The following MEGF11 variants were observed in gnomAD, a reference collection of about 807,000 sequenced individuals.
The protein encoded by MEGF11 is multiple epidermal growth factor-like domains protein 11.
In MEGF11, 126 loss-of-function variants were observed where a neutral mutation model predicts 146.6. That is an observed-to-expected ratio of 0.86 (90% confidence interval 0.74 to 1.00). The LOEUF (loss-of-function observed/expected upper bound fraction) is 1.00, where lower values mean the gene tolerates loss of function less well. Among genes scored for constraint, MEGF11 ranks in the 50% least tolerant of loss-of-function variants. MEGF11 has a pLI of 0.00. For synonymous variants in MEGF11, 532 were observed against 583.4 expected (o/e 0.91, Z 1.27); for missense variants, 1,509 against 1,521.2 (o/e 0.99, Z 0.13).
intron 5 of MEGF11, among the ~76,000 whole-genome samples, chr15:66,054,783 A>C (rs2084611744): frequency 6.6e-6 from 1 of 152,206 alleles, no homozygotes; most frequent in African/African-American, 2.4e-5. Flanking sequence ...AATTTGATGC[A>C]GTCCTCAAAC....
intron 1 of MEGF11, among the ~76,000 whole-genome samples, chr15:66,150,574 G>C (rs2089526953): frequency 6.6e-6 from 1 of 150,940 alleles, no homozygotes; most frequent in African/African-American, 2.4e-5. Flanking sequence ...TTAAGGAAAG[G>C]GTGACTTACA....
intron 2 of MEGF11, among the ~76,000 whole-genome samples, chr15:66,127,816 C>T (rs780106183): frequency 1.4e-5 from 2 of 146,998 alleles, no homozygotes; most frequent in East Asian, 4.1e-4. Context: ...ACACCCTGCC[C>T]CCACCAGACT....
At chr15:66,187,117 A>C (rs1339743782) in intron 1 of MEGF11, among the ~76,000 whole-genome samples, 1 of 152,232 alleles carries the variant, frequency 6.6e-6, no homozygotes, top group Non-Finnish European at 1.5e-5. Context: ...GAAAGCAGTT[A>C]ATGTTTGTTC....
chr15:66,007,576 C>G (rs1374499553), intron 5 of MEGF11, among the ~76,000 whole-genome samples: 1 of 152,106 alleles, frequency 6.6e-6, no homozygotes, highest in African/African-American at 2.4e-5. Context: ...ATGGAAAAAC[C>G]TTATCTTTAC....
chr15:66,135,114 G>T (rs949462017), intron 1 of MEGF11, among the ~76,000 whole-genome samples: 1 of 152,216 alleles, frequency 6.6e-6, no homozygotes, highest in Admixed American at 6.5e-5. Context: ...AAATGAGAAC[G>T]CAGGTAACGT....
intron 1 of MEGF11, among the ~76,000 whole-genome samples, chr15:66,133,662 G>A (rs753277250): frequency 6.6e-6 from 1 of 152,084 alleles, no homozygotes; most frequent in Non-Finnish European, 1.5e-5. Flanking sequence ...ATGAAAAGAG[G>A]AGTTGGATCA....
intron 5 of MEGF11, among the ~76,000 whole-genome samples, chr15:66,079,471 G>T (rs752488790): frequency 6.6e-6 from 1 of 151,776 alleles, no homozygotes; most frequent in Non-Finnish European, 1.5e-5. Context: ...CTTGTAAAAG[G>T]CATGCAGTTG....
intron 2 of MEGF11, among the ~76,000 whole-genome samples, chr15:66,127,893 C>T (rs2088447206): frequency 6.6e-6 from 1 of 152,208 alleles, no homozygotes; most frequent in Admixed American, 6.5e-5. Flanking sequence ...ATCCAAGCTG[C>T]CACGGGGCTG....
At chr15:66,111,429 T>C (rs2087398652) in intron 4 of MEGF11, among the ~76,000 whole-genome samples, 1 of 152,246 alleles carries the variant, frequency 6.6e-6, no homozygotes, top group Non-Finnish European at 1.5e-5. Flanking sequence ...TATGTTTAAA[T>C]GCATAGCTGA....
At chr15:66,132,221 G>GTC (rs1050389707) in intron 1 of MEGF11, among the ~76,000 whole-genome samples, 10 of 151,900 alleles carry the variant, frequency 6.6e-5, no homozygotes, top group Admixed American at 1.3e-4. Flanking sequence ...GTGGAGGCCA[G>GTC]TCTCTCTCTC....
At chr15:65,936,684 C>T (rs1007617781) in intron 10 of MEGF11, among the ~76,000 whole-genome samples, 3 of 152,226 alleles carry the variant, frequency 2.0e-5, no homozygotes, top group Admixed American at 6.5e-5. Flanking sequence ...TATTTACTCT[C>T]TGCCTCTCCC....
At chr15:65,954,060 A>G (rs1477106667) in intron 10 of MEGF11, among the ~76,000 whole-genome samples, 1 of 151,912 alleles carries the variant, frequency 6.6e-6, no homozygotes, top group Non-Finnish European at 1.5e-5. Flanking sequence ...TAGCAGGCAA[A>G]ACTGATTTAC....
chr15:66,253,271 C>A (rs1373817394), intron 1 of MEGF11, among the ~76,000 whole-genome samples: 2 of 152,218 alleles, frequency 1.3e-5, no homozygotes, highest in Non-Finnish European at 2.9e-5. Context: ...CGCGCCGCGC[C>A]ACTGCTCTCG....
intron 5 of MEGF11, among the ~76,000 whole-genome samples, chr15:65,987,663 A>T (rs1392700855): frequency 1.3e-5 from 2 of 152,032 alleles, no homozygotes; most frequent in Non-Finnish European, 2.9e-5. Flanking sequence ...GTAACTCCCT[A>T]GTTCCTCCCC....
chr15:66,175,023 C>T (rs945166551), intron 1 of MEGF11, among the ~76,000 whole-genome samples: 2 of 152,070 alleles, frequency 1.3e-5, no homozygotes, highest in South Asian at 4.1e-4. Context: ...TATAGAAATG[C>T]TACTGAGTTT....
chr15:66,216,875 G>T (rs1368006488), intron 1 of MEGF11, among the ~76,000 whole-genome samples: 3 of 152,204 alleles, frequency 2.0e-5, no homozygotes, highest in African/African-American at 4.8e-5. Flanking sequence ...CTTGGCTCAA[G>T]GATACACCCC....
chr15:65,915,147 C>T (rs756459797), intron 19 of MEGF11, among the ~76,000 whole-genome samples: 2 of 152,244 alleles, frequency 1.3e-5, no homozygotes, highest in Non-Finnish European at 2.9e-5. Flanking sequence ...CCCAAGGACA[C>T]CTGGCGGGTA....
intron 5 of MEGF11, among the ~76,000 whole-genome samples, chr15:66,058,006 G>A (rs1042003723): frequency 5.9e-5 from 9 of 152,158 alleles, no homozygotes; most frequent in African/African-American, 1.7e-4. Flanking sequence ...GAAATGACAT[G>A]GGGAACAAAT....
chr15:66,238,477 C>G (rs2092142557), intron 1 of MEGF11, among the ~76,000 whole-genome samples: 1 of 152,172 alleles, frequency 6.6e-6, no homozygotes. Context: ...GAGATGAAGG[C>G]CACCAAAATC....
Sources: allele counts gnomAD v4.1 joint callset (sites outside exome capture counted in the v4.1 genomes callset), GRCh38; gene constraint gnomAD v4.1.1; transcripts MANE v1.5; gene names NCBI Gene and HGNC (gene_info 2026-07-23, HGNC 2026-07-21).